Variants in NRG3 observed in about 807,000 individuals in gnomAD.
NRG3 encodes the protein pro-neuregulin-3, membrane-bound isoform.
A neutral mutation model predicts 66.9 loss-of-function variants in NRG3; 31 were observed. The ratio of observed to expected loss-of-function variants is 0.46; its 90% CI spans 0.35 to 0.63. The LOEUF is 0.63. Among genes scored for constraint, NRG3 ranks in the 20% least tolerant of loss-of-function variants. The pLI is 0.00. For synonymous variants in NRG3, 393 were observed against 359.4 expected (o/e 1.09, Z -1.06); for missense variants, 910 against 878.9 (o/e 1.04, Z -0.45).
At chr10:81,940,938 G>A (rs1201966741) in intron 1 of NRG3, among the ~76,000 whole-genome samples, 4 of 151,982 alleles carry the variant, frequency 2.6e-5, no homozygotes, top group Non-Finnish European at 5.9e-5. Context: ...TCCCTTGTGT[G>A]TCTGTGATAT....
In NRG3 at chr10:82,985,872, TAGA is replaced by T. The variant is rs995774690; in HGVS notation, c.*271_*273del. ...TCCCAACACTGTCCTCTTTGGCTCTTAGAAGATGTGGGCAATTCAGACCCTTGG... is the reference window on the plus strand; with the variant it reads ...TCCCAACACTGTCCTCTTTGGCTCTTAGATGTGGGCAATTCAGACCCTTGG... On this transcript the variant is annotated 3_prime_UTR_variant, in exon 9 of 9. Transcript: ENST00000372141. 3.0e-6 allele frequency: 1 copy of T among 334,334 alleles called. No homozygotes were observed. The highest frequency in any genetic ancestry group is 2.1e-5 in the African/African-American group (1 of 46,568). The allele number at this position is 334,334 out of a possible 1,614,324, so 20.7% of individuals were successfully genotyped here.
At chr10:82,785,162 C>A (rs1387742112) in intron 3 of NRG3, among the ~76,000 whole-genome samples, 1 of 145,854 alleles carries the variant, frequency 6.9e-6, no homozygotes, top group Non-Finnish European at 1.5e-5. Flanking sequence ...AATGAGAGCA[C>A]ATGGACACAG....
At chr10:82,233,885 C>T (rs950077892) in intron 1 of NRG3, among the ~76,000 whole-genome samples, 3 of 152,064 alleles carry the variant, frequency 2.0e-5, no homozygotes, top group African/African-American at 7.2e-5. Context: ...ACAGAAATCT[C>T]AAATTCAGCA....
chr10:82,313,653 A>G (rs1348897330), intron 1 of NRG3, among the ~76,000 whole-genome samples: 1 of 89,132 alleles, frequency 1.1e-5, no homozygotes, highest in African/African-American at 1.0e-4. Flanking sequence ...CTGGGACCTC[A>G]TTCCCAGGTC....
chr10:82,594,747 T>C (rs908888235), intron 2 of NRG3, among the ~76,000 whole-genome samples: 3 of 152,152 alleles, frequency 2.0e-5, no homozygotes, highest in Admixed American at 6.5e-5. Flanking sequence ...CTTACTTATA[T>C]ACAATTTCTC....
intron 2 of NRG3, among the ~76,000 whole-genome samples, chr10:82,383,143 A>C (rs1442572560): frequency 6.6e-6 from 1 of 152,024 alleles, no homozygotes; most frequent in Non-Finnish European, 1.5e-5. Flanking sequence ...TTTTCCAATA[A>C]ATGAATCCAC....
intron 2 of NRG3, among the ~76,000 whole-genome samples, chr10:82,603,340 A>G (rs948647353): frequency 6.6e-6 from 1 of 152,156 alleles, no homozygotes; most frequent in Non-Finnish European, 1.5e-5. Context: ...TTCAAACCAT[A>G]TTGTATCATG....
chr10:82,756,171 TG>T (rs2059070571), intron 3 of NRG3, among the ~76,000 whole-genome samples: 1 of 152,068 alleles, frequency 6.6e-6, no homozygotes, highest in Admixed American at 6.6e-5. Context: ...ACCTGGTACC[TG>T]GGAACTCATT....
intron 1 of NRG3, among the ~76,000 whole-genome samples, chr10:82,350,813 T>C (rs2083387939): frequency 6.6e-6 from 1 of 152,118 alleles, no homozygotes; most frequent in East Asian, 1.9e-4. Context: ...GGTTTATCAA[T>C]CTCGTGTAAT....
intron 1 of NRG3, among the ~76,000 whole-genome samples, chr10:82,281,953 C>T (rs1206010003): frequency 6.6e-6 from 1 of 152,200 alleles, no homozygotes; most frequent in East Asian, 1.9e-4. Context: ...TATATGTAGC[C>T]TTTTGGTAAC....
At chr10:82,072,828 A>G (rs1430142452) in intron 1 of NRG3, among the ~76,000 whole-genome samples, 1 of 151,998 alleles carries the variant, frequency 6.6e-6, no homozygotes, top group Non-Finnish European at 1.5e-5. Context: ...GTGCAGTGGC[A>G]CAATTATGGC....
chr10:82,878,878 T>C (rs1842056522), intron 4 of NRG3, among the ~76,000 whole-genome samples: 1 of 152,214 alleles, frequency 6.6e-6, no homozygotes, highest in South Asian at 2.1e-4. Flanking sequence ...ATGATTTGGC[T>C]CTGCCTGGCA....
At chr10:82,213,931 T>G (rs1271770482) in intron 1 of NRG3, among the ~76,000 whole-genome samples, 1 of 152,172 alleles carries the variant, frequency 6.6e-6, no homozygotes, top group African/African-American at 2.4e-5. Context: ...ACCCTGGTTC[T>G]GTCTGTCTTC....
At position 82,140,763 on chromosome 10, in the gene NRG3, A is replaced by G. The variant is rs531673058; in HGVS notation, c.824-217976A>G. Among the ~76,000 whole-genome samples the G allele has an allele frequency of 2.6e-4, 39 of 152,224 alleles. No homozygotes were observed. The South Asian group carries it at 6.8e-3, about 27-fold the overall frequency. ...AAAAATAAAAAGTAAAAGAAAAGAG[A>G]AAGAAATAAAACAATGTTAATCTGT... On this transcript the variant is annotated intron_variant, in intron 1 of 8. Transcript: ENST00000372141.
At chr10:81,918,972 A>AC (rs10629762) in intron 1 of NRG3, among the ~76,000 whole-genome samples, 7,115 of 129,480 alleles carry the variant, frequency 0.055, 237 homozygotes, top group Admixed American at 0.1. Flanking sequence ...GCATCATAAC[A>AC]AAACACACAC....
chr10:82,495,547 T>A (rs1455575583), intron 2 of NRG3, among the ~76,000 whole-genome samples: 4 of 152,092 alleles, frequency 2.6e-5, no homozygotes, highest in African/African-American at 7.2e-5. Context: ...TTCCACCTAG[T>A]ACTGTTTTCC....
At chr10:82,439,421 CT>C (rs1246841615) in intron 2 of NRG3, among the ~76,000 whole-genome samples, 4 of 151,998 alleles carry the variant, frequency 2.6e-5, no homozygotes, top group Admixed American at 6.6e-5. Flanking sequence ...GTCTTTCTTT[CT>C]TCTTTTGAGA....
chr10:82,671,148 G>A (rs1022335924), intron 2 of NRG3, among the ~76,000 whole-genome samples: 1 of 152,164 alleles, frequency 6.6e-6, no homozygotes, highest in African/African-American at 2.4e-5. Context: ...CCTCACCAGT[G>A]CCTGGAAAAC....
At chr10:82,770,062 T>C (rs1256965160) in intron 3 of NRG3, among the ~76,000 whole-genome samples, 1 of 152,062 alleles carries the variant, frequency 6.6e-6, no homozygotes, top group African/African-American at 2.4e-5. Context: ...AACCATGAAC[T>C]CCACACCTTT....
Sources: gnomAD v4.1 joint callset for allele counts (sites outside exome capture counted in the v4.1 genomes callset) on GRCh38, gnomAD v4.1.1 for gene constraint, MANE v1.5 for transcripts, NCBI Gene and HGNC (gene_info 2026-07-23, HGNC 2026-07-21) for gene names.